Variants in ROBO2 observed in about 807,000 individuals in gnomAD.
ROBO2 encodes roundabout guidance receptor 2, also known as roundabout homolog 2.
Under a neutral mutation model 160.8 loss-of-function variants are expected in ROBO2, and 53 were observed. The observed-to-expected ratio is 0.33, with a 90% confidence interval of 0.26 to 0.41. The LOEUF (loss-of-function observed/expected upper bound fraction) is 0.41. Ranked by LOEUF, ROBO2 falls within the 10% of genes least tolerant of loss-of-function variation. ROBO2 has a pLI of 1.00. For synonymous variants in ROBO2, 664 were observed against 611.7 expected (o/e 1.09, Z -1.26); for missense variants, 1,577 against 1,722.4 (o/e 0.92, Z 1.49).
At chr3:76,108,048 G>T (rs1359062610) in intron 2 of ROBO2, among the ~76,000 whole-genome samples, 1 of 151,956 alleles carries the variant, frequency 6.6e-6, no homozygotes, top group Non-Finnish European at 1.5e-5. Flanking sequence ...ATATTAGAAA[G>T]AATAGCATAC....
intron 2 of ROBO2, among the ~76,000 whole-genome samples, chr3:77,164,055 G>A (rs997059124): frequency 6.6e-6 from 1 of 152,186 alleles, no homozygotes; most frequent in Non-Finnish European, 1.5e-5. Context: ...ATACATAGAT[G>A]TGTAGAGATG....
At chr3:76,778,834 C>G (rs538251303) in intron 2 of ROBO2, among the ~76,000 whole-genome samples, 1 of 151,148 alleles carries the variant, frequency 6.6e-6, no homozygotes, top group African/African-American at 2.4e-5. Context: ...TCAGTGGTAA[C>G]TCTTTGGTCC....
intron 2 of ROBO2, among the ~76,000 whole-genome samples, chr3:76,166,604 A>T (rs914684422): frequency 5.3e-5 from 8 of 152,138 alleles, no homozygotes; most frequent in African/African-American, 1.9e-4. Flanking sequence ...GGCAGTTGAG[A>T]TTCAATGATA....
chr3:77,443,505 T>C (rs1286932386), intron 2 of ROBO2, among the ~76,000 whole-genome samples: 2 of 152,162 alleles, frequency 1.3e-5, no homozygotes, highest in Non-Finnish European at 1.5e-5. Flanking sequence ...AGTAGTACCA[T>C]GAAACAGTAT....
At chr3:76,341,622 A>G (rs181050473) in intron 2 of ROBO2, among the ~76,000 whole-genome samples, 1 of 152,144 alleles carries the variant, frequency 6.6e-6, no homozygotes, top group Admixed American at 6.5e-5. Flanking sequence ...ATTCACTGGA[A>G]ATTTCCATAG....
intron 2 of ROBO2, among the ~76,000 whole-genome samples, chr3:76,638,228 G>A (rs2090445423): frequency 6.6e-6 from 1 of 152,108 alleles, no homozygotes; most frequent in Non-Finnish European, 1.5e-5. Flanking sequence ...TGTGTGAAAT[G>A]AATCACTGAT....
chr3:77,290,190 G>C (rs2061023292), intron 2 of ROBO2, among the ~76,000 whole-genome samples: 1 of 151,084 alleles, frequency 6.6e-6, no homozygotes, highest in African/African-American at 2.4e-5. Context: ...AAGTAAAATT[G>C]ATGGTTAAAC....
At chr3:76,358,057 T>C (rs933117231) in intron 2 of ROBO2, among the ~76,000 whole-genome samples, 1 of 151,946 alleles carries the variant, frequency 6.6e-6, no homozygotes. Flanking sequence ...GTTATTTGTC[T>C]GTAATTAAGA....
intron 2 of ROBO2, among the ~76,000 whole-genome samples, chr3:76,378,602 C>T (rs2108532641): frequency 1.3e-5 from 2 of 152,248 alleles, no homozygotes; most frequent in Admixed American, 1.3e-4. Flanking sequence ...CAAACAATTA[C>T]AGTGCAGAGT....
intron 2 of ROBO2, among the ~76,000 whole-genome samples, chr3:76,413,858 C>T (rs575048518): frequency 1.3e-5 from 2 of 152,158 alleles, no homozygotes; most frequent in African/African-American, 2.4e-5. Flanking sequence ...TTCAGCAATG[C>T]CCCACTCTAC....
At chr3:76,237,436 C>T (rs1336253682) in intron 2 of ROBO2, among the ~76,000 whole-genome samples, 4 of 152,080 alleles carry the variant, frequency 2.6e-5, no homozygotes, top group Admixed American at 1.3e-4. Context: ...AGGATCCCTC[C>T]CTTTGAAGAT....
chr3:77,337,620 A>G (rs990314934), intron 2 of ROBO2, among the ~76,000 whole-genome samples: 1 of 152,166 alleles, frequency 6.6e-6, no homozygotes, highest in Non-Finnish European at 1.5e-5. Flanking sequence ...TGAACCTAAT[A>G]GTTAACTCGC....
rs17013620 is a variant in ROBO2 at position 75,961,467 on chromosome 3, T to A, written c.109+23865T>A. ...GTCCGGTTTCTTCTAAATACTATGC[T>A]CCACTGTAAATACATGAGATTACAG... is the stretch of plus-strand genomic sequence containing the variant. On this transcript the variant is annotated intron_variant, in intron 2 of 26. Transcript: ENST00000487694. 5.4e-3 allele frequency among the ~76,000 whole-genome samples: 820 copies of A among 151,756 alleles called. 9 individuals are homozygous for A. Among genetic ancestry groups the A allele is most frequent in the African/African-American group, 0.019 (794 of 41,514 alleles).
In ROBO2 at chr3:77,481,091, T is replaced by C. The variant is rs770419777; in HGVS notation, c.547-8T>C. ...CCCTTCTCTTTTCTTTTTGTTTGATTTTAACAGATCCGTGGTGGAAAACTG... is the reference window on the plus strand; with the variant it reads ...CCCTTCTCTTTTCTTTTTGTTTGATCTTAACAGATCCGTGGTGGAAAACTG... On this transcript the variant is annotated splice_region_variant and splice_polypyrimidine_tract_variant and intron_variant, in intron 3 of 25. Transcript: ENST00000461745. The C allele has an allele frequency of 3.7e-6, 6 of 1,610,702 alleles. No homozygotes were observed. The highest frequency in any genetic ancestry group is 5.1e-6 in the Non-Finnish European group (6 of 1,177,678).
At chr3:76,843,265 AAAAT>A (rs1372175834) in intron 2 of ROBO2, among the ~76,000 whole-genome samples, 1 of 151,068 alleles carries the variant, frequency 6.6e-6, no homozygotes, top group Non-Finnish European at 1.5e-5. Flanking sequence ...AAATCATATG[AAAAT>A]AAATAATTAA....
At chr3:76,686,510 C>G (rs539896065) in intron 2 of ROBO2, among the ~76,000 whole-genome samples, 55 of 148,784 alleles carry the variant, frequency 3.7e-4, no homozygotes, top group Middle Eastern at 3.4e-3. Context: ...TCCTTCAAAA[C>G]AGCAAATAAA....
intron 2 of ROBO2, among the ~76,000 whole-genome samples, chr3:76,753,727 A>G (rs1056555501): frequency 6.6e-6 from 1 of 151,880 alleles, no homozygotes; most frequent in Admixed American, 6.6e-5. Flanking sequence ...TTCTGTTCTA[A>G]TATTTTAACT....
At position 77,580,049 on chromosome 3, in the gene ROBO2, C is replaced by T. The variant is rs188582283; in HGVS notation, c.2431C>T (p.Arg811Trp). The change falls in exon 16 of 26, where the codon CGG (arginine) becomes TGG (tryptophan). Residue 811 changes from arginine (R) to tryptophan (W), a missense_variant. Physicochemically the swap from Arg to Trp is moderately radical, Grantham distance 101. Coordinates refer to ENST00000461745, the Ensembl canonical transcript of ROBO2. ...TGGATTATTCCCAGGTATTCAATAC[C>T]GGGTAGAGGTTGCAGCTAGTACCAG... 2.4e-3 allele frequency: 3,860 copies of T among 1,613,634 alleles called. 109 individuals are homozygous for T. The Admixed American group carries it at 0.052, about 22-fold the overall frequency.
intron 2 of ROBO2, among the ~76,000 whole-genome samples, chr3:76,976,099 C>T (rs1463407520): frequency 6.6e-6 from 1 of 152,176 alleles, no homozygotes; most frequent in East Asian, 1.9e-4. Context: ...AGAATAAAAA[C>T]TGGCAATATG....
Sources: gnomAD v4.1 joint callset for allele counts (sites outside exome capture counted in the v4.1 genomes callset) on GRCh38, gnomAD v4.1.1 for gene constraint, MANE v1.5 for transcripts, NCBI Gene and HGNC (gene_info 2026-07-23, HGNC 2026-07-21) for gene names.